The following TENM1 variants were observed in gnomAD, a reference collection of about 807,000 sequenced individuals.
The protein encoded by TENM1 is teneurin-1.
In TENM1, 35 loss-of-function variants were observed where a neutral mutation model predicts 174.8. The observed-to-expected ratio is 0.20, with a 90% CI of 0.15 to 0.27. The LOEUF is 0.27. Among genes scored for constraint, TENM1 ranks in the 10% least tolerant of loss-of-function variants. The pLI, the probability that TENM1 is intolerant of heterozygous loss-of-function variation, is 1.00. For synonymous variants in TENM1, 781 were observed against 798.7 expected (o/e 0.98, Z 0.37); for missense variants, 1,633 against 2,130.1 (o/e 0.77, Z 4.59).
chrX:124,586,046 T>C (rs1283143122), intron 11 of TENM1, among the ~76,000 whole-genome samples: 1 of 109,933 alleles, frequency 9.1e-6, no homozygotes, highest in Non-Finnish European at 1.9e-5. Flanking sequence ...CAATAACCAA[T>C]AGCTTACCAA....
the TENM1 span, among the ~76,000 whole-genome samples, chrX:125,076,392 T>C: frequency 8.9e-6 from 1 of 111,961 alleles, no homozygotes; most frequent in Non-Finnish European, 1.9e-5. Flanking sequence ...CTTCCTGTTT[T>C]GGGTCCCATG....
chrX:125,021,538 C>T, the TENM1 span, among the ~76,000 whole-genome samples: 2 of 111,266 alleles, frequency 1.8e-5, no homozygotes, highest in Non-Finnish European at 3.8e-5. Context: ...TAGTAGGTTT[C>T]TTTATGAAAA....
chrX:125,044,431 T>A, the TENM1 span, among the ~76,000 whole-genome samples: 2 of 107,630 alleles, frequency 1.9e-5, no homozygotes, highest in Non-Finnish European at 3.8e-5. Flanking sequence ...CTACAAAAAA[T>A]TTTTAAAAAT....
chrX:124,614,959 T>C (rs1423939315), intron 11 of TENM1, among the ~76,000 whole-genome samples: 2 of 112,058 alleles, frequency 1.8e-5, no homozygotes, highest in East Asian at 2.8e-4. Context: ...GAATTGATCA[T>C]GCTTCAAGAG....
chrX:124,443,193 T>G (rs1485485755), intron 23 of TENM1, among the ~76,000 whole-genome samples: 1 of 108,384 alleles, frequency 9.2e-6, no homozygotes, highest in Non-Finnish European at 1.9e-5. Flanking sequence ...ATATTACCCC[T>G]TCTACAGAGC....
At chrX:125,129,354 T>C in the TENM1 span, among the ~76,000 whole-genome samples, 1 of 112,094 alleles carries the variant, frequency 8.9e-6, no homozygotes, top group African/African-American at 3.2e-5. Flanking sequence ...GATGTATATA[T>C]TTTTGGGTTA....
the TENM1 span, among the ~76,000 whole-genome samples, chrX:125,111,672 A>C: frequency 2.7e-5 from 3 of 111,757 alleles, no homozygotes; most frequent in Admixed American, 1.9e-4. Context: ...GAGAGGAAGA[A>C]TAACTTGCCA....
At chrX:124,899,254 G>A (rs1364322367) in intron 1 of TENM1, among the ~76,000 whole-genome samples, 2 of 111,537 alleles carry the variant, frequency 1.8e-5, no homozygotes, top group African/African-American at 6.5e-5. Flanking sequence ...GTTCAGCAGC[G>A]TGATCAGGGC....
the TENM1 span, among the ~76,000 whole-genome samples, chrX:125,163,787 T>C: frequency 1.8e-5 from 2 of 111,981 alleles, no homozygotes; most frequent in Admixed American, 1.9e-4. Context: ...AAATATTTAA[T>C]AAAATATACT....
At chrX:124,886,268 A>T (rs1458854993) in intron 3 of TENM1, among the ~76,000 whole-genome samples, 1 of 109,353 alleles carries the variant, frequency 9.1e-6, no homozygotes, top group Non-Finnish European at 1.9e-5. Context: ...ATCAAGATCA[A>T]CTCCAAAGAC....
At chrX:124,411,632 T>C (rs2060535445) in intron 25 of TENM1, among the ~76,000 whole-genome samples, 1 of 111,316 alleles carries the variant, frequency 9.0e-6, no homozygotes, top group Admixed American at 9.6e-5. Context: ...TGATGCTCAA[T>C]ATGGCCCTGG....
At chrX:124,631,873 T>C (rs1408710025) in intron 11 of TENM1, among the ~76,000 whole-genome samples, 5 of 90,924 alleles carry the variant, frequency 5.5e-5, no homozygotes, top group African/African-American at 2.1e-4. Flanking sequence ...TGGGCGACAG[T>C]ATGAGACTCT....
chrX:124,781,790 T>C (rs919717390), intron 3 of TENM1, among the ~76,000 whole-genome samples: 9 of 111,171 alleles, frequency 8.1e-5, no homozygotes, highest in African/African-American at 2.3e-4. Context: ...TCTGCTCTCC[T>C]GCTTTTAGTA....
chrX:125,170,348 C>T, the TENM1 span, among the ~76,000 whole-genome samples: 2 of 111,486 alleles, frequency 1.8e-5, no homozygotes, highest in Non-Finnish European at 3.8e-5. Flanking sequence ...AAAGAGAAGT[C>T]TCCATTCCAA....
At chrX:125,104,874 C>G in the TENM1 span, among the ~76,000 whole-genome samples, 1 of 111,774 alleles carries the variant, frequency 8.9e-6, no homozygotes, top group African/African-American at 3.3e-5. Context: ...TATAGACTAG[C>G]CCTAATTCAA....
intron 11 of TENM1, among the ~76,000 whole-genome samples, chrX:124,570,847 A>G (rs1322737613): frequency 9.0e-6 from 1 of 111,679 alleles, no homozygotes; most frequent in Non-Finnish European, 1.9e-5. Flanking sequence ...TTTTTGTGTT[A>G]TTAAGACTGA....
chrX:124,824,529 G>GA lies in TENM1; in HGVS notation c.535+69766dup, dbSNP rs1439881731. 7.1e-5 allele frequency among the ~76,000 whole-genome samples: 8 copies of GA among 112,128 alleles called. No individual in the cohort carries two copies. The Admixed American group carries it at 7.6e-4, about 11-fold the overall frequency. Reference sequence around the variant, plus strand: ...ACATGCCTGTACTCAGGCAGTCTGCGATGAAAAGTGTGCTATACCTAATTC... The same window carrying GA: ...ACATGCCTGTACTCAGGCAGTCTGCGAATGAAAAGTGTGCTATACCTAATTC... On this transcript the variant is annotated intron_variant, in intron 3 of 31. Transcript: ENST00000422452.
intron 1 of TENM1, among the ~76,000 whole-genome samples, chrX:124,953,286 T>C (rs1047875834): frequency 8.9e-6 from 1 of 112,311 alleles, no homozygotes; most frequent in African/African-American, 3.2e-5. Context: ...AATTTGGATA[T>C]AGTTCCAATA....
At chrX:125,034,855 T>C in the TENM1 span, among the ~76,000 whole-genome samples, 10 of 111,818 alleles carry the variant, frequency 8.9e-5, no homozygotes, top group South Asian at 3.3e-3. Flanking sequence ...CTAACCTTTA[T>C]GACATCACTT....
Sources: gnomAD v4.1 joint callset for allele counts (sites outside exome capture counted in the v4.1 genomes callset) on GRCh38, gnomAD v4.1.1 for gene constraint, MANE v1.5 for transcripts, NCBI Gene and HGNC (gene_info 2026-07-23, HGNC 2026-07-21) for gene names.